The following CHUK variants were observed in gnomAD, a reference collection of about 807,000 sequenced individuals.
The protein encoded by CHUK is component of inhibitor of nuclear factor kappa B kinase complex.
CHUK carries 35 observed loss-of-function variants against 104.8 expected under a neutral mutation model. The ratio of observed to expected loss-of-function variants is 0.33; its 90% CI spans 0.26 to 0.44. CHUK has a LOEUF of 0.44. Among genes scored for constraint, CHUK ranks in the 20% least tolerant of loss-of-function variants. The probability of loss-of-function intolerance (pLI) is 1.00; values close to 1 mark genes in which losing one functional copy is unlikely to be tolerated. For synonymous variants in CHUK, 276 were observed against 291.9 expected (o/e 0.95, Z 0.56); for missense variants, 663 against 902.7 (o/e 0.73, Z 3.40).
chr10:100,191,851 G>A (rs2134204742), intron 19 of CHUK, among the ~76,000 whole-genome samples: 1 of 152,304 alleles, frequency 6.6e-6, no homozygotes. Context: ...GGACATGGTG[G>A]CTCATGCCTG....
intron 8 of CHUK, 130 bp from the exon 9 acceptor site, chr10:100,218,260 T>C (rs1236265080): frequency 1.2e-6 from 1 of 817,978 alleles, no homozygotes; most frequent in Non-Finnish European, 2.0e-6. Context: ...ATTTCATAAA[T>C]TACTTTCAAA....
At chr10:100,193,214 A>G in intron 19 of CHUK, 84 bp downstream of exon 19, 1 of 1,482,402 alleles carries the variant, frequency 6.7e-7, no homozygotes, top group African/African-American at 1.4e-5. Context: ...CTGAAGGCAC[A>G]GAAGACTACC....
intron 4 of CHUK, among the ~76,000 whole-genome samples, chr10:100,221,629 A>G (rs1589597664): frequency 6.6e-6 from 1 of 152,160 alleles, no homozygotes; most frequent in East Asian, 1.9e-4. Flanking sequence ...TAAATAATAA[A>G]ATATCCTAGT....
At chr10:100,212,239 A>C (rs967919401) in intron 9 of CHUK, among the ~76,000 whole-genome samples, 2 of 152,168 alleles carry the variant, frequency 1.3e-5, no homozygotes, top group African/African-American at 2.4e-5. Flanking sequence ...AATAGCTGTA[A>C]TAATTTACAT....
rs1279667938 is a variant in CHUK at position 100,225,999 on chromosome 10, C to G, written c.124G>C (p.Ala42Pro). 6.2e-7 allele frequency: 1 copy of G among 1,602,748 alleles called. No individual in the cohort carries two copies. The highest frequency in any genetic ancestry group is 8.5e-7 in the Non-Finnish European group (1 of 1,170,124). ...AGCTCTAGGCGACAAGACTTAATTG[C>G]TATTTTGAGATCAAGTTCCTGCCAA... is the stretch of plus-strand genomic sequence containing the variant. The part of the protein sequence containing the change: ...YQHRELDLKI[A>P]IKSCRLELST... The change falls in exon 2 of 21, where the codon GCA (alanine) becomes CCA (proline). Residue 42 changes from alanine (A) to proline (P), a missense_variant. This residue lies in a region of CHUK where 200 missense variants were observed against 333.0 expected (regional missense o/e 0.60). Coordinates refer to ENST00000370397, the MANE Select transcript of CHUK (RefSeq NM_001278.5).
Position 100,222,896 on chromosome 10 carries a change from C to T in CHUK, c.285G>A (p.Met95Ile), listed in dbSNP as rs1303935998. 1 of 1,594,988 alleles carries T rather than the reference C, an allele frequency of 6.3e-7. No homozygotes were observed. The highest frequency in any genetic ancestry group is 8.6e-7 in the Non-Finnish European group (1 of 1,162,810). The change falls in exon 3 of 21, where the codon ATG becomes ATA. Residue 95 changes from methionine (M) to isoleucine (I), a missense_variant. This residue lies in a region of CHUK where 200 missense variants were observed against 333.0 expected (regional missense o/e 0.60). Coordinates refer to ENST00000370397, the MANE Select transcript of CHUK (RefSeq NM_001278.5). ...ILIHDVPLLA[M>I]EYCSGGDLRK... ...GGAGATCTCCTCCAGAACAGTATTC[C>T]ATTGCTAGAAGAGGCACATCATGAA...
At chr10:100,221,523 TA>T (rs1295290204) in intron 4 of CHUK, among the ~76,000 whole-genome samples, 13 of 152,080 alleles carry the variant, frequency 8.5e-5, no homozygotes, top group East Asian at 3.9e-4. Flanking sequence ...ATGTCAATGG[TA>T]GGGGGGGAGA....
chr10:100,223,142 T>G (rs535119358), intron 2 of CHUK, among the ~76,000 whole-genome samples, 162 bp from the exon 3 acceptor site: 118 of 152,336 alleles, frequency 7.7e-4, no homozygotes, highest in African/African-American at 2.7e-3. Flanking sequence ...ATTAGTAATT[T>G]TTTAAAAGAA....
In CHUK at chr10:100,209,709, C is replaced by A; in HGVS notation, c.1014G>T (p.Gln338His). 1.9e-6 allele frequency: 3 copies of A among 1,569,624 alleles called. No homozygotes were observed. The highest frequency in any genetic ancestry group is 2.6e-6 in the Non-Finnish European group (3 of 1,139,564). The change falls in exon 10 of 21, where the codon CAG becomes CAT. Residue 338 changes from glutamine (Q) to histidine (H), a missense_variant. Around this residue, in one of 5 missense-constraint regions of CHUK, gnomAD observed 93 missense variants for 95.9 expected, o/e 0.97. Transcript: ENST00000370397. ...LPPDESLHSL[Q>H]SRIERETGIN... is the part of the protein sequence containing the mutation. ...TTCCAGTTTCACGCTCAATACGAGA[C>A]TGTAGTGAATGAAGACTTTCATCAG...
At position 100,202,083 on chromosome 10, in the gene CHUK, T is replaced by C; in HGVS notation, c.1569+5A>G. 6.2e-7 allele frequency: 1 copy of C among 1,602,022 alleles called. No homozygotes were observed. On this transcript the variant is annotated splice_donor_5th_base_variant and intron_variant, in intron 14 of 20. Coordinates refer to ENST00000370397, the MANE Select transcript of CHUK (RefSeq NM_001278.5). The stretch of plus-strand genomic sequence containing the variant: ...AAGTATACAGAATGACGTCAATGAT[T>C]TTACCTCAGCATAGTGGATGGCCTT...
chr10:100,212,956 A>T (rs910971422), intron 9 of CHUK, among the ~76,000 whole-genome samples: 2 of 151,460 alleles, frequency 1.3e-5, no homozygotes, highest in African/African-American at 4.9e-5. Context: ...CAGTGAGCCA[A>T]GATCGCGCCA....
rs1449038586 is a variant in CHUK, at chr10:100,210,084, TTTATTTA to T, written c.934-302_934-296del. On this transcript the variant is annotated intron_variant, in intron 9 of 20. Transcript: ENST00000370397. The stretch of plus-strand genomic sequence containing the variant: ...AACAAGTTATTTATTTATTTATTTA[TTTATTTA>T]TTTTTTTTTTTTTTGAGACGGAGTC... Among the ~76,000 whole-genome samples, 289 of 134,370 alleles carry T rather than the reference TTTATTTA, an allele frequency of 2.2e-3. 3 individuals carry two copies. Among genetic ancestry groups the T allele is most frequent in the South Asian group, 2.3e-3 (11 of 4,720 alleles). The allele number at this position is 134,370 out of a possible 152,430, so 88.2% of individuals were successfully genotyped here. A position where few individuals can be genotyped will look rare whatever the true frequency, so the allele number is the denominator to read the frequency against.
intron 2 of CHUK, 70 bp from the exon 3 acceptor site, chr10:100,223,050 TACTTAATTGTGGGTGGATGAAC>T: frequency 1.3e-6 from 1 of 770,714 alleles, no homozygotes; most frequent in Non-Finnish European, 2.3e-6. Context: ...TTTGAAATGC[TACTTAATTGTGGGTGGATGAAC>T]AGAGGGGGAA....
At chr10:100,212,817 C>T (rs1262465523) in intron 9 of CHUK, among the ~76,000 whole-genome samples, 2 of 151,800 alleles carry the variant, frequency 1.3e-5, no homozygotes, top group Non-Finnish European at 2.9e-5. Flanking sequence ...CCAGCCTGGC[C>T]AACATGGTGA....
Position 100,194,434 on chromosome 10 carries a change from C to A in CHUK, c.1817G>T (p.Gly606Val), listed in dbSNP as rs1363771544. The change falls in exon 17 of 21, where the codon GGT becomes GTT. Residue 606 changes from glycine (G) to valine (V), a missense_variant. By Grantham distance (109) the Gly-to-Val change is moderately radical. This residue lies in a region of CHUK where 311 missense variants were observed against 393.4 expected (regional missense o/e 0.79). Coordinates refer to ENST00000370397, the MANE Select transcript of CHUK (RefSeq NM_001278.5). The stretch of plus-strand genomic sequence containing the variant: ...GAAGCAATTTTCCTACCTCAAATGA[C>A]CAAACAGCTCCTTGAGCACACGGTC... ...SQDRVLKELF[G>V]HLSKLLGCKQ... 1 of 1,610,988 alleles carries A rather than the reference C, an allele frequency of 6.2e-7. No individual in the cohort carries two copies. The highest frequency in any genetic ancestry group is 1.3e-5 in the African/African-American group (1 of 74,840).
chr10:100,202,171 G>C (rs2134218046), intron 13 of CHUK, 22 bp from the exon 14 acceptor site: 3 of 1,546,948 alleles, frequency 1.9e-6, no homozygotes, highest in Non-Finnish European at 2.7e-6. Context: ...GTCTAAATTG[G>C]TTATCTCAGA....
intron 10 of CHUK, among the ~76,000 whole-genome samples, chr10:100,208,796 A>AAAAAAAAAC (rs1564835895): frequency 2.0e-5 from 3 of 151,380 alleles, no homozygotes. Context: ...AAAAAAAAAA[A>AAAAAAAAAC]CTGGAAGAGC....
At chr10:100,210,579 A>G (rs1589589893) in intron 9 of CHUK, among the ~76,000 whole-genome samples, 1 of 152,224 alleles carries the variant, frequency 6.6e-6, no homozygotes, top group East Asian at 1.9e-4. Context: ...GTTAGGGATC[A>G]CACAGCTAAT....
rs565727831 is a variant in CHUK, at chr10:100,220,453, T to G, written c.474+135A>C. 3 of 705,608 alleles carry G rather than the reference T, an allele frequency of 4.3e-6. No individual in the cohort carries two copies. The African/African-American group carries it at 5.3e-5, about 12-fold the overall frequency. 43.7% of individuals were successfully genotyped at this position (705,608 alleles called of 1,614,324 possible). The stretch of plus-strand genomic sequence containing the variant: ...AAAAAACTAAACACAAAACTACAGT[T>G]CAGTGTGGTGAGGTCTGAAATGGAA... On this transcript the variant is annotated intron_variant, in intron 5 of 20. Transcript: ENST00000370397.
Sources: gnomAD v4.1 joint callset for allele counts (sites outside exome capture counted in the v4.1 genomes callset) on GRCh38, gnomAD v4.1.1 for gene constraint, gnomAD v4.1.1 regional missense constraint, MANE v1.5 for transcripts, NCBI Gene and HGNC (gene_info 2026-07-23, HGNC 2026-07-21) for gene names.